ANKFN1: variants seen among roughly 807,000 people sequenced by gnomAD.
ANKFN1 encodes the protein ankyrin repeat and fibronectin type III domain containing 1, also known as ankyrin repeat and fibronectin type-III domain-containing protein 1.
Under a neutral mutation model 108.7 loss-of-function variants are expected in ANKFN1, and 74 were observed. The observed-to-expected ratio is 0.68, with a 90% CI of 0.56 to 0.83. The LOEUF is 0.83. Among genes scored for constraint, ANKFN1 ranks in the 40% least tolerant of loss-of-function variants. The pLI, the probability that ANKFN1 is intolerant of heterozygous loss-of-function variation, is 0.00. For missense variants in ANKFN1, 1,505 were observed against 1,382.3 expected (o/e 1.09, Z -1.41); for synonymous variants, 547 against 516.2 (o/e 1.06, Z -0.81).
intron 3 of ANKFN1, among the ~76,000 whole-genome samples, chr17:56,229,178 A>AT (rs1916515193): frequency 6.6e-6 from 1 of 152,092 alleles, no homozygotes; most frequent in Non-Finnish European, 1.5e-5. Flanking sequence ...ATTCACTGAT[A>AT]TTTTTTAAAA....
chr17:56,410,843 G>T (rs911239092), intron 8 of ANKFN1, among the ~76,000 whole-genome samples: 1 of 152,126 alleles, frequency 6.6e-6, no homozygotes, highest in Non-Finnish European at 1.5e-5. Flanking sequence ...AAATACATGG[G>T]TTTATTTCTA....
intron 4 of ANKFN1, among the ~76,000 whole-genome samples, chr17:56,067,790 G>A (rs1905077525): frequency 6.6e-6 from 1 of 152,184 alleles, no homozygotes; most frequent in Non-Finnish European, 1.5e-5. Flanking sequence ...CTACGAGGCA[G>A]GGAAGAGTGC....
intron 3 of ANKFN1, among the ~76,000 whole-genome samples, chr17:56,287,421 C>T (rs2044247745): frequency 6.6e-6 from 1 of 152,258 alleles, no homozygotes; most frequent in East Asian, 1.9e-4. Flanking sequence ...CTACCTCATG[C>T]GTTTAGTTCC....
At chr17:56,261,017 C>T (rs2043496764) in intron 3 of ANKFN1, among the ~76,000 whole-genome samples, 1 of 152,158 alleles carries the variant, frequency 6.6e-6, no homozygotes, top group South Asian at 2.1e-4. Context: ...CGGAATCTGT[C>T]CCTAAATGGG....
intron 11 of ANKFN1, among the ~76,000 whole-genome samples, chr17:56,452,123 T>C (rs1405346586): frequency 6.6e-6 from 1 of 152,204 alleles, no homozygotes; most frequent in African/African-American, 2.4e-5. Flanking sequence ...AGCAATATCC[T>C]ATAGGGATGA....
intron 4 of ANKFN1, among the ~76,000 whole-genome samples, chr17:56,084,431 T>G (rs1452651356): frequency 6.6e-6 from 1 of 151,388 alleles, no homozygotes; most frequent in African/African-American, 2.4e-5. Flanking sequence ...TAAGACACAT[T>G]TGGTTTTTCT....
At chr17:56,413,374 G>A (rs190127262) in intron 8 of ANKFN1, among the ~76,000 whole-genome samples, 100 of 152,270 alleles carry the variant, frequency 6.6e-4, no homozygotes, top group Middle Eastern at 3.4e-3. Flanking sequence ...TGCAAAAAGG[G>A]ACAGTTTGAC....
At chr17:56,294,851 C>G (rs1036236675) in intron 3 of ANKFN1, among the ~76,000 whole-genome samples, 2 of 152,324 alleles carry the variant, frequency 1.3e-5, no homozygotes, top group Middle Eastern at 3.4e-3. Context: ...AAGGCTTGAG[C>G]CATTGAGTCC....
chr17:56,160,266 C>A (rs1482401614), intron 1 of ANKFN1, among the ~76,000 whole-genome samples: 1 of 152,102 alleles, frequency 6.6e-6, no homozygotes, highest in Non-Finnish European at 1.5e-5. Context: ...AAAAAATGAA[C>A]CCTCCCCTAG....
chr17:56,140,060 T>C (rs1907826915), intron 4 of ANKFN1, among the ~76,000 whole-genome samples: 1 of 152,216 alleles, frequency 6.6e-6, no homozygotes, highest in Non-Finnish European at 1.5e-5. Context: ...AAGCGATTGC[T>C]TGATGGACGT....
At chr17:56,347,324 G>T (rs1567932429) in intron 4 of ANKFN1, among the ~76,000 whole-genome samples, 1 of 151,938 alleles carries the variant, frequency 6.6e-6, no homozygotes, top group Admixed American at 6.6e-5. Context: ...TTATTGAGTG[G>T]ATACTATGCA....
Position 56,098,868 on chromosome 17 carries a change from C to CGT in ANKFN1, c.288+52543_288+52544insGT, listed in dbSNP as rs1567786457. Among the ~76,000 whole-genome samples, 11 of 87,282 alleles carry CGT rather than the reference C, an allele frequency of 1.3e-4. No homozygotes were observed. The East Asian group carries it at 3.4e-3, about 27-fold the overall frequency. 57.3% of individuals were successfully genotyped at this position (87,282 alleles called of 152,430 possible). On this transcript the variant is annotated intron_variant, in intron 4 of 12. Coordinates refer to the ANKFN1 transcript ENST00000635860. ...AGAGGGGTGTGTGTGTGCGTGTGTGCATGTGTGTGTGTGTGTTGGGTGCTA... is the reference window on the plus strand; with the variant it reads ...AGAGGGGTGTGTGTGTGCGTGTGTGCGTATGTGTGTGTGTGTGTTGGGTGCTA...
chr17:56,481,506 A>G (rs1297772093), intron 17 of ANKFN1, among the ~76,000 whole-genome samples: 1 of 151,578 alleles, frequency 6.6e-6, no homozygotes, highest in African/African-American at 2.4e-5. Context: ...ACACACACAC[A>G]CACACGCACA....
chr17:56,192,936 T>C (rs201674992), intron 1 of ANKFN1, among the ~76,000 whole-genome samples: 2 of 139,878 alleles, frequency 1.4e-5, no homozygotes, highest in Non-Finnish European at 3.0e-5. Flanking sequence ...CATGCTGCTA[T>C]AAAGACACAT....
intron 3 of ANKFN1, among the ~76,000 whole-genome samples, chr17:56,288,094 T>C (rs188982120): frequency 1.1e-4 from 17 of 152,262 alleles, no homozygotes. Context: ...ATCAATTTCC[T>C]AATTTTTCCA....
chr17:56,160,234 A>T (rs1909521025), intron 1 of ANKFN1, among the ~76,000 whole-genome samples: 1 of 152,208 alleles, frequency 6.6e-6, no homozygotes. Context: ...AGGATGATTG[A>T]TGGTAAACTT....
chr17:56,117,335 C>A lies in ANKFN1; in HGVS notation c.288+71010C>A, dbSNP rs769894634. Among the ~76,000 whole-genome samples the A allele has an allele frequency of 2.2e-4, 34 of 152,100 alleles. 1 individual carries two copies. Among genetic ancestry groups the A allele is most frequent in the Non-Finnish European group, 4.9e-4 (33 of 68,006 alleles). Reference sequence around the variant, plus strand: ...CACAAAGGACACCTGATTTTAGTTGCATCATTAGGAGACTATTCTTATCTA... The same window carrying A: ...CACAAAGGACACCTGATTTTAGTTGAATCATTAGGAGACTATTCTTATCTA... On this transcript the variant is annotated intron_variant, in intron 4 of 12. Coordinates refer to the ANKFN1 transcript ENST00000635860.
chr17:56,133,885 C>T (rs1907440380), intron 4 of ANKFN1, among the ~76,000 whole-genome samples: 1 of 152,046 alleles, frequency 6.6e-6, no homozygotes, highest in Admixed American at 6.6e-5. Flanking sequence ...CCAGCACACA[C>T]CAGCTGGATG....
chr17:56,377,446 G>T (rs1401996996), intron 8 of ANKFN1, among the ~76,000 whole-genome samples: 1 of 104,120 alleles, frequency 9.6e-6, no homozygotes, highest in East Asian at 8.6e-4. Flanking sequence ...AGACCCACAT[G>T]ATTTTTTCTG....
Sources: gnomAD v4.1 joint callset for allele counts (sites outside exome capture counted in the v4.1 genomes callset) on GRCh38, gnomAD v4.1.1 for gene constraint, MANE v1.5 for transcripts, NCBI Gene and HGNC (gene_info 2026-07-23, HGNC 2026-07-21) for gene names.